Variants in NRL observed in about 807,000 individuals in gnomAD.
The protein encoded by NRL is neural retina leucine zipper.
In NRL, 16 loss-of-function variants were observed where a neutral mutation model predicts 12.5. The ratio of observed to expected loss-of-function variants is 1.28; its 90% CI spans 0.87 to 1.95. The LOEUF is 1.95. NRL is among the 30% of genes most tolerant of loss of function. The pLI is 0.00. For synonymous variants in NRL, 142 were observed against 150.9 expected (o/e 0.94, Z 0.43); for missense variants, 314 against 325.8 (o/e 0.96, Z 0.28).
chr14:24,095,048 T>G (rs1444469892), intron 1 of NRL: 4 of 448,390 alleles, frequency 8.9e-6, no homozygotes, highest in Non-Finnish European at 1.3e-5. Flanking sequence ...ATAGCTGGCT[T>G]CTTCCTCCGT....
intron 1 of NRL, chr14:24,098,294 C>T: frequency 1.2e-6 from 2 of 1,614,108 alleles, no homozygotes; most frequent in Non-Finnish European, 1.7e-6. Context: ...GGTACCACTC[C>T]CGCCTGGTGG....
chr14:24,114,832 C>T lies in NRL; in HGVS notation c.-138G>A. 1 of 985,968 alleles carries T rather than the reference C, an allele frequency of 1.0e-6. No individual in the cohort carries two copies. Among genetic ancestry groups the T allele is most frequent in the Non-Finnish European group, 1.2e-6 (1 of 829,964 alleles). The allele number at this position is 985,968 out of a possible 1,614,324, so 61.1% of individuals were successfully genotyped here. On this transcript the variant is annotated 5_prime_UTR_variant, in exon 1 of 3. Coordinates refer to ENST00000561028, the MANE Select transcript of NRL (RefSeq NM_001354768.3). Reference sequence around the variant, plus strand: ...GCCGCGAGATGCGTGACGAGCGAAGCGCGTGACGGAGGAGCGGTTGGCCAA... The same window carrying T: ...GCCGCGAGATGCGTGACGAGCGAAGTGCGTGACGGAGGAGCGGTTGGCCAA...
intron 1 of NRL, among the ~76,000 whole-genome samples, chr14:24,104,497 G>A (rs2037295590): frequency 6.6e-6 from 1 of 151,828 alleles, no homozygotes. Context: ...AAATTAACCG[G>A]GAGTGGTGGC....
intron 1 of NRL, among the ~76,000 whole-genome samples, chr14:24,107,241 T>C (rs2037352942): frequency 6.6e-6 from 1 of 152,234 alleles, no homozygotes. Context: ...CCTTAAAAAT[T>C]ATTTTTATTA....
intron 1 of NRL, chr14:24,103,347 T>C: frequency 8.4e-7 from 1 of 1,189,188 alleles, no homozygotes; most frequent in Non-Finnish European, 1.2e-6. Context: ...TGTCCACCCC[T>C]GGAGTCTGAT....
Position 24,113,751 on chromosome 14 carries a change from G to A in NRL, c.-28+971C>T, listed in dbSNP as rs1406036064. Among the ~76,000 whole-genome samples, 3 of 152,248 alleles carry A rather than the reference G, an allele frequency of 2.0e-5. No homozygotes were observed. The East Asian group carries it at 5.8e-4, about 29-fold the overall frequency. On this transcript the variant is annotated intron_variant, in intron 1 of 2. Transcript: ENST00000561028. Reference sequence around the variant, plus strand: ...ATCTAGAGACTAGGAGACGTCGCCCGAAAGCTGGCCAAACCCTCGCCCTCA... The same window carrying A: ...ATCTAGAGACTAGGAGACGTCGCCCAAAAGCTGGCCAAACCCTCGCCCTCA...
chr14:24,113,834 C>T (rs901688014), intron 1 of NRL, among the ~76,000 whole-genome samples: 1 of 152,254 alleles, frequency 6.6e-6, no homozygotes, highest in African/African-American at 2.4e-5. Context: ...CCATCCCTGC[C>T]CTCAGGAGCG....
intron 1 of NRL, among the ~76,000 whole-genome samples, chr14:24,106,361 A>G (rs1334226118): frequency 6.6e-6 from 1 of 152,252 alleles, no homozygotes; most frequent in Non-Finnish European, 1.5e-5. Context: ...AATGCCAGTG[A>G]CCAGCCAGAA....
At chr14:24,100,068 C>T in intron 1 of NRL, 1 of 1,613,064 alleles carries the variant, frequency 6.2e-7, no homozygotes, top group Non-Finnish European at 8.5e-7. Context: ...CCACCAATCC[C>T]AACGCCATGG....
At position 24,078,864 on chromosome 14, in the gene NRL, G is replaced by A. The variant is rs371780331; in HGVS notation, c.*2372C>T. 6.8e-4 allele frequency among the ~76,000 whole-genome samples: 104 copies of A among 152,274 alleles called. 2 individuals are homozygous for A. The South Asian group carries it at 0.02, about 29-fold the overall frequency. Reference sequence around the variant, plus strand: ...CACCCAGGCTGGAATGCAGTGGCACGATTATGGCTCACTGCATCCCCGAAC... The same window carrying A: ...CACCCAGGCTGGAATGCAGTGGCACAATTATGGCTCACTGCATCCCCGAAC... On this transcript the variant is annotated 3_prime_UTR_variant, in exon 3 of 3. Coordinates refer to ENST00000561028, the MANE Select transcript of NRL (RefSeq NM_001354768.3).
At chr14:24,103,790 TCTCAGCGGCCTCAGAGCTATAGACACCA>T (rs748221127) in intron 1 of NRL, 1 of 1,614,124 alleles carries the variant, frequency 6.2e-7, no homozygotes, top group East Asian at 2.2e-5. Flanking sequence ...GAGCCTTGGA[TCTCAGCGGCCTCAGAGCTATAGACACCA>T]CTCAGCTGTT....
chr14:24,094,141 G>A lies in NRL; in HGVS notation c.-27-11266C>T. The A allele has an allele frequency of 1.8e-6, 1 of 543,872 alleles. No homozygotes were observed. The highest frequency in any genetic ancestry group is 3.2e-6 in the Non-Finnish European group (1 of 310,838). 33.7% of individuals were successfully genotyped at this position (543,872 alleles called of 1,614,324 possible). A position where few individuals can be genotyped will look rare whatever the true frequency, so the allele number is the denominator to read the frequency against. ...CTCCAATGGGAGAGATGGGTTTGGCGGTTTGGAGGCAGGGGTTGGGGCGGC... is the reference window on the plus strand; with the variant it reads ...CTCCAATGGGAGAGATGGGTTTGGCAGTTTGGAGGCAGGGGTTGGGGCGGC... On this transcript the variant is annotated intron_variant, in intron 1 of 2. Transcript: ENST00000561028. The surrounding 1 kb of genome is among the most constrained non-coding windows in gnomAD (Gnocchi z 4.1).
intron 1 of NRL, chr14:24,103,069 GGA>G: frequency 1.6e-6 from 2 of 1,236,212 alleles, no homozygotes; most frequent in Non-Finnish European, 2.4e-6. Flanking sequence ...CGAGGTCTTA[GGA>G]GAGAGAGTAC....
chr14:24,099,078 C>T lies in NRL; in HGVS notation c.-28+15644G>A, dbSNP rs144458057. On this transcript the variant is annotated intron_variant, in intron 1 of 2. Coordinates refer to ENST00000561028, the MANE Select transcript of NRL (RefSeq NM_001354768.3). ...GCCAGTGAGCCAGTGGCCGTGCAACCCAGAGAAAACCCTGATTGGCCACGT... is the reference window on the plus strand; with the variant it reads ...GCCAGTGAGCCAGTGGCCGTGCAACTCAGAGAAAACCCTGATTGGCCACGT... 111 of 1,608,176 alleles carry T rather than the reference C, an allele frequency of 6.9e-5. No homozygotes were observed. In the African/African-American group the frequency reaches 1.3e-3, roughly 19 times the overall value.
rs2138923683 is a variant in NRL, at chr14:24,094,867, A to G, written c.-27-11992T>C. The G allele has an allele frequency of 7.7e-7, 1 of 1,295,018 alleles. No homozygotes were observed. The highest frequency in any genetic ancestry group is 1.0e-6 in the Non-Finnish European group (1 of 990,518). 80.2% of individuals were successfully genotyped at this position (1,295,018 alleles called of 1,614,324 possible). A position where few individuals can be genotyped will look rare whatever the true frequency, so the allele number is the denominator to read the frequency against. On this transcript the variant is annotated intron_variant, in intron 1 of 2. Transcript: ENST00000561028. This position sits in a 1 kb window ranked among gnomAD's most constrained non-coding sequence, Gnocchi z 4.1. ...AAGGGTACGTGAGCCCCGGGAGACT[A>G]AGCTCAGAGCCCCCTAAAGAAGGTG...
At chr14:24,100,520 G>C in intron 1 of NRL, 1 of 904,482 alleles carries the variant, frequency 1.1e-6, no homozygotes, top group South Asian at 3.6e-5. Context: ...CATAAAAAGG[G>C]TTTATCACAC....
Position 24,094,994 on chromosome 14 carries a change from C to A in NRL, c.-27-12119G>T. ...GGGACCTGGGCCCAGGGGAGGGAGG[C>A]AAGCAAGGTGGGAGGAGGGCGCCAA... On this transcript the variant is annotated intron_variant, in intron 1 of 2. Transcript: ENST00000561028. The surrounding 1 kb of genome is among the most constrained non-coding windows in gnomAD (Gnocchi z 4.1). 1 of 558,420 alleles carries A rather than the reference C, an allele frequency of 1.8e-6. No homozygotes were observed. The highest frequency in any genetic ancestry group is 3.0e-6 in the Non-Finnish European group (1 of 333,584). The allele number at this position is 558,420 out of a possible 1,614,324, so 34.6% of individuals were successfully genotyped here.
rs772222943 is a variant in NRL, at chr14:24,098,286, T to C, written c.-27-15411A>G. ...GTAACTCCTTCTCAGCGGGACACGG[T>C]ACCACTCCCGCCTGGTGGGGCCCGT... is the stretch of plus-strand genomic sequence containing the variant. On this transcript the variant is annotated intron_variant, in intron 1 of 2. Coordinates refer to ENST00000561028, the MANE Select transcript of NRL (RefSeq NM_001354768.3). 8 of 1,613,950 alleles carry C rather than the reference T, an allele frequency of 5.0e-6. No homozygotes were observed. In the South Asian group the frequency reaches 8.8e-5, roughly 18 times the overall value.
At chr14:24,097,111 C>G in intron 1 of NRL, 1 of 1,613,916 alleles carries the variant, frequency 6.2e-7, no homozygotes, top group Non-Finnish European at 8.5e-7. Flanking sequence ...AGGGCCTCAT[C>G]CGAAAGCTCC....
Sources: gnomAD v4.1 joint callset for allele counts (sites outside exome capture counted in the v4.1 genomes callset) on GRCh38, gnomAD v4.1.1 for gene constraint, Gnocchi (gnomAD v3.1) non-coding constraint, MANE v1.5 for transcripts, NCBI Gene and HGNC (gene_info 2026-07-23, HGNC 2026-07-21) for gene names.